Variants in SHISA6 observed in about 807,000 individuals in gnomAD.
The protein encoded by SHISA6 is shisa family member 6.
A neutral mutation model predicts 47.9 loss-of-function variants in SHISA6; 22 were observed. That is an observed-to-expected ratio of 0.46 (90% confidence interval 0.33 to 0.66). SHISA6 has a LOEUF of 0.66. SHISA6 is among the 30% of genes least tolerant of loss of function. The pLI, the probability that SHISA6 is intolerant of heterozygous loss-of-function variation, is 0.02. For missense variants in SHISA6, 680 were observed against 764.6 expected (o/e 0.89, Z 1.30); for synonymous variants, 388 against 337.8 (o/e 1.15, Z -1.63).
chr17:11,379,534 A>G, intron 3 of SHISA6, 25 bp downstream of exon 3: 1 of 1,484,396 alleles, frequency 6.7e-7, no homozygotes, highest in Non-Finnish European at 9.1e-7. Context: ...ATTTTTTACT[A>G]AAATACAGAG....
At position 11,468,530 on chromosome 17, in the gene SHISA6, G is replaced by A. The variant is rs941812694; in HGVS notation, c.896-83366G>A. The stretch of plus-strand genomic sequence containing the variant: ...TCTGAACACTAATCTTAGGAGAAGG[G>A]GGGCTCTGGTACCTGGGGATTATTC... On this transcript the variant is annotated intron_variant, in intron 3 of 5. Coordinates refer to ENST00000441885, the MANE Select transcript of SHISA6 (RefSeq NM_207386.4). 3.9e-5 allele frequency among the ~76,000 whole-genome samples: 6 copies of A among 152,070 alleles called. No individual in the cohort carries two copies. The South Asian group carries it at 1.2e-3, about 31-fold the overall frequency.
intron 3 of SHISA6, among the ~76,000 whole-genome samples, chr17:11,476,119 T>C (rs1916045331): frequency 6.6e-6 from 1 of 152,100 alleles, no homozygotes; most frequent in African/African-American, 2.4e-5. Flanking sequence ...ATTCGTGGGA[T>C]CTGTAGTGAT....
intron 4 of SHISA6, among the ~76,000 whole-genome samples, chr17:11,554,883 C>T (rs1301300228): frequency 6.6e-6 from 1 of 152,114 alleles, no homozygotes; most frequent in East Asian, 1.9e-4. Flanking sequence ...GAGCCCAGCG[C>T]ACACTGCACT....
At chr17:11,524,489 CTTTT>C (rs2071658695) in intron 3 of SHISA6, among the ~76,000 whole-genome samples, 1 of 147,824 alleles carries the variant, frequency 6.8e-6, no homozygotes. Flanking sequence ...TTCTTTTTTT[CTTTT>C]TTCTTTTTTC....
intron 2 of SHISA6, among the ~76,000 whole-genome samples, chr17:11,282,064 G>A (rs1909137485): frequency 1.3e-5 from 2 of 152,150 alleles, no homozygotes; most frequent in Non-Finnish European, 2.9e-5. Flanking sequence ...TGATACATTT[G>A]TGGCATAGGC....
intron 2 of SHISA6, among the ~76,000 whole-genome samples, chr17:11,370,066 A>T (rs1912585727): frequency 6.6e-6 from 1 of 152,162 alleles, no homozygotes; most frequent in Non-Finnish European, 1.5e-5. Context: ...AGAAAAGGTG[A>T]CCTTGAAGAC....
intron 3 of SHISA6, among the ~76,000 whole-genome samples, chr17:11,383,969 A>G (rs1913115154): frequency 6.6e-6 from 1 of 152,224 alleles, no homozygotes; most frequent in African/African-American, 2.4e-5. Context: ...AGTGATGAAG[A>G]CTTCTATTTG....
At chr17:11,242,762 C>T (rs904239679) in intron 1 of SHISA6, among the ~76,000 whole-genome samples, 4 of 152,272 alleles carry the variant, frequency 2.6e-5, no homozygotes, top group African/African-American at 9.6e-5. Context: ...TCACTGCTTA[C>T]GTTCGAAAGA....
At chr17:11,412,163 C>A (rs1457986032) in intron 3 of SHISA6, among the ~76,000 whole-genome samples, 8 of 151,998 alleles carry the variant, frequency 5.3e-5, no homozygotes, top group Admixed American at 5.2e-4. Context: ...GCTTTGAGTC[C>A]TTGGAAAAAA....
intron 3 of SHISA6, among the ~76,000 whole-genome samples, chr17:11,380,956 A>T (rs1034412222): frequency 9.9e-5 from 15 of 152,204 alleles, no homozygotes; most frequent in African/African-American, 3.1e-4. Context: ...TCAGAGAAGG[A>T]GAAAGACAGA....
intron 1 of SHISA6, among the ~76,000 whole-genome samples, chr17:11,248,097 T>C (rs558828871): frequency 6.6e-6 from 1 of 152,216 alleles, no homozygotes; most frequent in East Asian, 1.9e-4. Flanking sequence ...TTTGCAGATA[T>C]TGTAGAGAGA....
intron 3 of SHISA6, among the ~76,000 whole-genome samples, chr17:11,493,665 A>G (rs186282219): frequency 5.6e-4 from 85 of 152,314 alleles, no homozygotes; most frequent in African/African-American, 1.9e-3. Context: ...GCCAGGCCCA[A>G]GGGGTACCGT....
intron 1 of SHISA6, among the ~76,000 whole-genome samples, chr17:11,256,283 G>A (rs914140578): frequency 1.3e-5 from 2 of 152,180 alleles, no homozygotes; most frequent in Non-Finnish European, 2.9e-5. Context: ...ATCACCTGAG[G>A]TCAGGAGTTC....
intron 2 of SHISA6, among the ~76,000 whole-genome samples, chr17:11,291,633 C>A (rs1909547800): frequency 6.6e-6 from 1 of 151,632 alleles, no homozygotes; most frequent in South Asian, 2.1e-4. Flanking sequence ...GACTCTGTCT[C>A]AAAACAACAA....
chr17:11,364,765 C>A (rs1912390200), intron 2 of SHISA6, among the ~76,000 whole-genome samples: 1 of 152,160 alleles, frequency 6.6e-6, no homozygotes, highest in Non-Finnish European at 1.5e-5. Context: ...ATCTTCAGAA[C>A]AAACTACCAA....
intron 3 of SHISA6, among the ~76,000 whole-genome samples, chr17:11,444,566 C>G (rs1204027063): frequency 6.6e-6 from 1 of 152,068 alleles, no homozygotes; most frequent in Admixed American, 6.6e-5. Context: ...AATCCAGATG[C>G]TTTGGACAAA....
At chr17:11,443,189 ACTTT>A (rs1445401308) in intron 3 of SHISA6, among the ~76,000 whole-genome samples, 1 of 152,120 alleles carries the variant, frequency 6.6e-6, no homozygotes, top group Non-Finnish European at 1.5e-5. Context: ...GGATTTGAAG[ACTTT>A]CTTTTTTTCT....
In SHISA6 at chr17:11,241,269, C is replaced by T. The variant is rs1907309830; in HGVS notation, c.-154C>T. On this transcript the variant is annotated 5_prime_UTR_variant, in exon 1 of 6. Coordinates refer to ENST00000441885, the MANE Select transcript of SHISA6 (RefSeq NM_207386.4). This position sits in a 1 kb window ranked among gnomAD's most constrained non-coding sequence, Gnocchi z 5.5. ...CGTGCGCACCGCGCGCCGCCGCCGC[C>T]ACTGCCGCCCGCGCCTCGATGGCGC... 7.0e-6 allele frequency: 2 copies of T among 283,836 alleles called. No individual in the cohort carries two copies. Among genetic ancestry groups the T allele is most frequent in the South Asian group, 2.4e-4 (2 of 8,204 alleles). The allele number at this position is 283,836 out of a possible 1,614,324, so 17.6% of individuals were successfully genotyped here. A position where few individuals can be genotyped will look rare whatever the true frequency, so the allele number is the denominator to read the frequency against.
At chr17:11,376,225 T>C (rs1912793554) in intron 2 of SHISA6, among the ~76,000 whole-genome samples, 5 of 152,108 alleles carry the variant, frequency 3.3e-5, no homozygotes, top group Admixed American at 3.3e-4. Flanking sequence ...TGAGTTCATA[T>C]CATCAACCCA....
Sources: gnomAD v4.1 joint callset for allele counts (sites outside exome capture counted in the v4.1 genomes callset) on GRCh38, gnomAD v4.1.1 for gene constraint, Gnocchi (gnomAD v3.1) non-coding constraint, MANE v1.5 for transcripts, NCBI Gene and HGNC (gene_info 2026-07-23, HGNC 2026-07-21) for gene names.